CDK12: variants seen among roughly 807,000 people sequenced by gnomAD.
The protein encoded by CDK12 is cyclin dependent kinase 12, also known as cyclin-dependent kinase 12.
A neutral mutation model predicts 133.8 loss-of-function variants in CDK12; 17 were observed. The observed-to-expected ratio is 0.13, with a 90% CI of 0.09 to 0.19. The LOEUF (loss-of-function observed/expected upper bound fraction) is 0.19. CDK12 is among the 10% of genes least tolerant of loss of function. The pLI is 1.00. For missense variants in CDK12, 1,508 were observed against 1,818.7 expected, an observed-to-expected ratio of 0.83 and a Z score of 3.11; for synonymous variants, 694 against 683.6, an observed-to-expected ratio of 1.02 and a Z score of -0.24.
chr17:39,553,947 A>C (rs968946063), intron 2 of CDK12, among the ~76,000 whole-genome samples: 1 of 152,226 alleles, frequency 6.6e-6, no homozygotes, highest in African/African-American at 2.4e-5. Context: ...CTATAAAAAA[A>C]ACAGGGAAAT....
At chr17:39,486,570 T>C (rs2051150638) in intron 2 of CDK12, among the ~76,000 whole-genome samples, 1 of 152,144 alleles carries the variant, frequency 6.6e-6, no homozygotes, top group Non-Finnish European at 1.5e-5. Flanking sequence ...TCAGCCTGAT[T>C]TTTCTTGTTC....
chr17:39,564,911 ACAGGTAGAGAGG>A (rs1289927334), downstream of CDK12: 6 of 152,240 alleles, frequency 3.9e-5, no homozygotes, highest in Non-Finnish European at 8.8e-5. Context: ...TTTCTTAAGT[ACAGGTAGAGAGG>A]GGAAACAAAA....
chr17:39,477,019 C>T (rs901993761), intron 2 of CDK12, among the ~76,000 whole-genome samples: 2 of 150,756 alleles, frequency 1.3e-5, no homozygotes, highest in Non-Finnish European at 3.0e-5. Flanking sequence ...CAGCCCTAAT[C>T]TAATTATTAT....
intron 2 of CDK12, among the ~76,000 whole-genome samples, chr17:39,480,088 T>C (rs937570757): frequency 6.6e-6 from 1 of 151,914 alleles, no homozygotes; most frequent in African/African-American, 2.4e-5. Flanking sequence ...CACGCCTAGC[T>C]AATTTTTATA....
intron 1 of CDK12, among the ~76,000 whole-genome samples, chr17:39,468,129 G>C (rs1911395242): frequency 6.7e-6 from 1 of 148,744 alleles, no homozygotes; most frequent in Non-Finnish European, 1.5e-5. Context: ...CTCTTGATCA[G>C]GGTGATCCAC....
At chr17:39,506,511 T>C (rs1015489072) in intron 6 of CDK12, among the ~76,000 whole-genome samples, 2 of 152,002 alleles carry the variant, frequency 1.3e-5, no homozygotes, top group Admixed American at 6.6e-5. Flanking sequence ...CCACCACGCC[T>C]GGCCAATTAT....
chr17:39,529,121 T>C (rs541522953), intron 13 of CDK12, among the ~76,000 whole-genome samples: 11 of 152,294 alleles, frequency 7.2e-5, no homozygotes, highest in African/African-American at 2.6e-4. Flanking sequence ...AATTCATTCC[T>C]GAACTGTCCC....
chr17:39,476,711 CTTTTTT>C lies in CDK12; in HGVS notation c.1931+4972_1931+4977del, dbSNP rs879840168. ...TACAGGCATGAGCCACCATGCCTGC[CTTTTTT>C]TTTTTTTTTTTTTTTTTTTTTTTGA... On this transcript the variant is annotated intron_variant, in intron 2 of 13. Transcript: ENST00000447079. Among the ~76,000 whole-genome samples, 757 of 84,522 alleles carry C rather than the reference CTTTTTT, an allele frequency of 9.0e-3. 110 individuals are homozygous for C. Among genetic ancestry groups the C allele is most frequent in the East Asian group, 0.043 (115 of 2,668 alleles). The allele number at this position is 84,522 out of a possible 152,430, so 55.4% of individuals were successfully genotyped here.
chr17:39,474,929 G>T (rs2050074191), intron 2 of CDK12, among the ~76,000 whole-genome samples: 1 of 151,548 alleles, frequency 6.6e-6, no homozygotes. Flanking sequence ...TGCCTCCTGG[G>T]TTCAAGTGAT....
intron 8 of CDK12, 101 bp downstream of exon 8, chr17:39,511,731 C>A: frequency 3.5e-6 from 2 of 577,830 alleles, no homozygotes; most frequent in South Asian, 4.3e-5. Flanking sequence ...TTCTTAAGTT[C>A]AGAAGGATGG....
upstream of CDK12, among the ~76,000 whole-genome samples, chr17:39,548,248 A>G (rs779531870): frequency 2.7e-4 from 41 of 152,216 alleles, no homozygotes; most frequent in Middle Eastern, 3.4e-3. Context: ...ATTTGGTACC[A>G]CTTGTTCTTC....
At chr17:39,476,500 G>A (rs1302585593) in intron 2 of CDK12, among the ~76,000 whole-genome samples, 3 of 149,682 alleles carry the variant, frequency 2.0e-5, no homozygotes, top group Non-Finnish European at 4.4e-5. Context: ...GGCTGCATCC[G>A]CCTCCCGGGT....
intron 2 of CDK12, among the ~76,000 whole-genome samples, chr17:39,481,039 A>AG (rs1246885108): frequency 2.6e-5 from 4 of 152,186 alleles, no homozygotes; most frequent in Admixed American, 6.5e-5. Context: ...GGATCACCTG[A>AG]GGTCGGGAGT....
At chr17:39,489,144 G>A (rs527508729) in intron 2 of CDK12, among the ~76,000 whole-genome samples, 6 of 150,568 alleles carry the variant, frequency 4.0e-5, no homozygotes, top group South Asian at 2.1e-4. Context: ...GCAGTGGCGC[G>A]ATCTCAGCTC....
chr17:39,465,394 G>T (rs1297727442), intron 1 of CDK12, among the ~76,000 whole-genome samples: 2 of 125,402 alleles, frequency 1.6e-5, no homozygotes, highest in Non-Finnish European at 3.4e-5. Flanking sequence ...CCATTAGCTG[G>T]ATTACCCTTT....
At chr17:39,495,849 T>C (rs1279057954) in intron 5 of CDK12, among the ~76,000 whole-genome samples, 1 of 151,742 alleles carries the variant, frequency 6.6e-6, no homozygotes, top group African/African-American at 2.4e-5. Flanking sequence ...CCCAATATAC[T>C]ACCATCCATG....
At chr17:39,539,175 GGGAC>G (rs1236778774), downstream of CDK12, among the ~76,000 whole-genome samples, 1 of 152,136 alleles carries the variant, frequency 6.6e-6, no homozygotes, top group East Asian at 1.9e-4. Flanking sequence ...AGGACTGATA[GGGAC>G]CAAGATTACT....
chr17:39,520,796 G>A (rs546554122), intron 11 of CDK12, among the ~76,000 whole-genome samples: 37 of 152,154 alleles, frequency 2.4e-4, no homozygotes, highest in Middle Eastern at 6.8e-3. Flanking sequence ...AAGTAGCTAG[G>A]ATTACAGGTG....
intron 13 of CDK12, among the ~76,000 whole-genome samples, chr17:39,527,709 A>C (rs2054576123): frequency 6.6e-6 from 1 of 151,014 alleles, no homozygotes; most frequent in Non-Finnish European, 1.5e-5. Context: ...CTCCATGTCC[A>C]GCTAATTTTG....
Sources: gnomAD v4.1 joint callset for allele counts (sites outside exome capture counted in the v4.1 genomes callset) on GRCh38, gnomAD v4.1.1 for gene constraint, MANE v1.5 for transcripts, NCBI Gene and HGNC (gene_info 2026-07-23, HGNC 2026-07-21) for gene names.